The following ACSL1 variants were observed in gnomAD, a reference collection of about 807,000 sequenced individuals.
ACSL1 encodes the protein acyl-CoA synthetase long chain family member 1, also known as long-chain-fatty-acid--CoA ligase 1.
ACSL1 carries 41 observed loss-of-function variants against 98.4 expected under a neutral mutation model. That is an observed-to-expected ratio of 0.42 (90% CI 0.32 to 0.54). The LOEUF (loss-of-function observed/expected upper bound fraction) is 0.54. ACSL1 is among the 20% of genes least tolerant of loss of function. ACSL1 has a pLI of 0.13. For synonymous variants in ACSL1, 316 were observed against 322.7 expected (o/e 0.98, Z 0.22); for missense variants, 734 against 883.1 (o/e 0.83, Z 2.14).
chr4:184,760,669 TAGAG>T (rs1193405220), intron 17 of ACSL1, among the ~76,000 whole-genome samples, 169 bp from the exon 18 acceptor site: 1 of 152,140 alleles, frequency 6.6e-6, no homozygotes, highest in Admixed American at 6.5e-5. Flanking sequence ...AACAAAGGCT[TAGAG>T]AGACTGAGGA....
chr4:184,757,909 A>G lies in ACSL1; in HGVS notation c.1794T>C (p.Ile598=), dbSNP rs1262955111. ...TCTCAACATCTGGTACCACAATTGC[A>G]ATGAGAAATGCCTTTAACACAGACA... ...VHGESLQAFL[I]AIVVPDVETL... is the part of the protein sequence containing the mutation. Residue 598 remains isoleucine, a synonymous_variant, in exon 19 of 21, where the codon ATT becomes ATC. Coordinates refer to ENST00000281455, the MANE Select transcript of ACSL1 (RefSeq NM_001995.5). The surrounding 1 kb of genome is among the most constrained non-coding windows in gnomAD (Gnocchi z 4.5). 2 of 1,614,066 alleles carry G rather than the reference A, an allele frequency of 1.2e-6. No homozygotes were observed. The highest frequency in any genetic ancestry group is 1.7e-6 in the Non-Finnish European group (2 of 1,179,976).
chr4:184,777,502 G>C (rs893687917), intron 5 of ACSL1, among the ~76,000 whole-genome samples: 6 of 151,118 alleles, frequency 4.0e-5, no homozygotes, highest in African/African-American at 1.5e-4. Flanking sequence ...GGGAGGGAAG[G>C]AAGGAAAGAG....
chr4:184,757,301 G>A lies in ACSL1; in HGVS notation c.1957-36C>T. 1.3e-6 allele frequency: 2 copies of A among 1,572,114 alleles called. No homozygotes were observed. The highest frequency in any genetic ancestry group is 2.3e-5 in the East Asian group (1 of 44,030). ...ACAAGGCAGTTAAAAGAGGAAAAAG[G>A]ACACGGGCCACCAGTCTCAAAAGCA... On this transcript the variant is annotated intron_variant, in intron 20 of 20. Transcript: ENST00000281455. This position sits in a 1 kb window ranked among gnomAD's most constrained non-coding sequence, Gnocchi z 4.5.
chr4:184,810,103 C>T (rs904946571), intron 1 of ACSL1, among the ~76,000 whole-genome samples: 1 of 152,248 alleles, frequency 6.6e-6, no homozygotes, highest in South Asian at 2.1e-4. Context: ...AACTAAACCT[C>T]ATACTCTATT....
chr4:184,761,752 C>T (rs1235518114), intron 17 of ACSL1, among the ~76,000 whole-genome samples: 5 of 152,232 alleles, frequency 3.3e-5, no homozygotes, highest in East Asian at 1.9e-4. Flanking sequence ...CTCAACATCA[C>T]GGCTCAGTAC....
chr4:184,768,218 A>G, intron 12 of ACSL1, 98 bp downstream of exon 12: 2 of 1,295,370 alleles, frequency 1.5e-6, no homozygotes, highest in Non-Finnish European at 2.1e-6. Context: ...AGGATTGTCC[A>G]GGGTCATACA....
At chr4:184,768,199 A>G in intron 12 of ACSL1, 117 bp downstream of exon 12, 1 of 1,118,088 alleles carries the variant, frequency 8.9e-7, no homozygotes, top group East Asian at 2.7e-5. Flanking sequence ...GAAGTTCTGT[A>G]AGATTGGGAG....
At chr4:184,772,704 TATC>T (rs1182015907) in intron 10 of ACSL1, among the ~76,000 whole-genome samples, 4 of 152,220 alleles carry the variant, frequency 2.6e-5, no homozygotes, top group African/African-American at 7.2e-5. Context: ...ACTTTTAACA[TATC>T]ATTGCCAATT....
intron 2 of ACSL1, among the ~76,000 whole-genome samples, chr4:184,801,767 TTGC>T (rs1266523038): frequency 1.3e-5 from 2 of 152,240 alleles, no homozygotes; most frequent in African/African-American, 4.8e-5. Context: ...TTTTCATTTC[TTGC>T]TGCATATCTC....
intron 17 of ACSL1, among the ~76,000 whole-genome samples, chr4:184,761,588 A>T (rs1332798010): frequency 6.6e-6 from 1 of 152,170 alleles, no homozygotes; most frequent in East Asian, 1.9e-4. Flanking sequence ...CTGAGACTAC[A>T]TTCAACTAAA....
chr4:184,767,014 G>C (rs1763713665), intron 12 of ACSL1, among the ~76,000 whole-genome samples: 1 of 152,114 alleles, frequency 6.6e-6, no homozygotes, highest in African/African-American at 2.4e-5. Context: ...AGGTGCGGTG[G>C]CCCACGCTTG....
intron 1 of ACSL1, among the ~76,000 whole-genome samples, chr4:184,822,810 T>G (rs753848082): frequency 6.6e-6 from 1 of 152,142 alleles, no homozygotes; most frequent in Non-Finnish European, 1.5e-5. Flanking sequence ...GATTATGTGA[T>G]AGTTTTCTCT....
At position 184,772,454 on chromosome 4, in the gene ACSL1, T is replaced by A. The variant is rs186909442; in HGVS notation, c.915+627A>T. 2.6e-3 allele frequency among the ~76,000 whole-genome samples: 400 copies of A among 152,324 alleles called. 2 individuals are homozygous for A. The highest frequency in any genetic ancestry group is 4.2e-3 in the Non-Finnish European group (287 of 68,032). ...AAGGCATATGGTTCAATAAGCACCT[T>A]TTTAAAAGGCAAGTTTGGAATAGGC... On this transcript the variant is annotated intron_variant, in intron 10 of 20. Coordinates refer to ENST00000281455, the MANE Select transcript of ACSL1 (RefSeq NM_001995.5).
intron 3 of ACSL1, among the ~76,000 whole-genome samples, chr4:184,784,639 C>T (rs1224454569): frequency 6.6e-6 from 1 of 152,082 alleles, no homozygotes; most frequent in African/African-American, 2.4e-5. Context: ...AAAAGGGGAC[C>T]ATAGTGCATC....
chr4:184,775,238 T>C (rs1029945411), intron 7 of ACSL1, among the ~76,000 whole-genome samples: 34 of 152,166 alleles, frequency 2.2e-4, no homozygotes, highest in Admixed American at 6.5e-5. Flanking sequence ...GCTCAGAATA[T>C]TTTTAAAAAC....
At chr4:184,824,560 G>GA (rs1773316438) in intron 1 of ACSL1, among the ~76,000 whole-genome samples, 1 of 152,200 alleles carries the variant, frequency 6.6e-6, no homozygotes, top group South Asian at 2.1e-4. Flanking sequence ...TTGGACTCGT[G>GA]AAAGATTTTA....
At chr4:184,805,570 C>T in intron 1 of ACSL1, 1 of 966,522 alleles carries the variant, frequency 1.0e-6, no homozygotes, top group South Asian at 4.8e-5. Flanking sequence ...CACCCCACTG[C>T]AGACACAGAA....
chr4:184,756,038 A>G lies in ACSL1; in HGVS notation c.*1087T>C, dbSNP rs1762092410. On this transcript the variant is annotated 3_prime_UTR_variant, in exon 21 of 21. Coordinates refer to ENST00000281455, the MANE Select transcript of ACSL1 (RefSeq NM_001995.5). ...GGCTTGTCAAACACATTTCATAGAAATCAGGTAGCATTATAAGAACATTTG... is the reference window on the plus strand; with the variant it reads ...GGCTTGTCAAACACATTTCATAGAAGTCAGGTAGCATTATAAGAACATTTG... The G allele has an allele frequency of 6.6e-6, 1 of 152,312 alleles. No homozygotes were observed. The highest frequency in any genetic ancestry group is 1.5e-5 in the Non-Finnish European group (1 of 68,034). The allele number at this position is 152,312 out of a possible 1,614,324, so 9.4% of individuals were successfully genotyped here.
intron 2 of ACSL1, among the ~76,000 whole-genome samples, chr4:184,795,578 C>A (rs1356084220): frequency 2.6e-5 from 4 of 152,186 alleles, no homozygotes; most frequent in Non-Finnish European, 5.9e-5. Flanking sequence ...ACTCCTGTGG[C>A]CTGGTCTTGG....
Sources: allele counts gnomAD v4.1 joint callset (sites outside exome capture counted in the v4.1 genomes callset), GRCh38; gene constraint gnomAD v4.1.1; non-coding constraint Gnocchi (gnomAD v3.1); transcripts MANE v1.5; gene names NCBI Gene and HGNC (gene_info 2026-07-23, HGNC 2026-07-21).